The following EFHC1 variants were observed in gnomAD, a reference collection of about 807,000 sequenced individuals.
EFHC1 encodes EF-hand domain-containing protein 1.
EFHC1 carries 53 observed loss-of-function variants against 69.9 expected under a neutral mutation model. The observed-to-expected ratio is 0.76, with a 90% confidence interval of 0.61 to 0.95. The LOEUF is 0.95. Among genes scored for constraint, EFHC1 ranks in the 40% least tolerant of loss-of-function variants. The probability of loss-of-function intolerance (pLI) is 0.00; values close to 1 mark genes in which losing one functional copy is unlikely to be tolerated. For missense variants in EFHC1, 739 were observed against 798.7 expected (o/e 0.93, Z 0.90); for synonymous variants, 256 against 278.4 (o/e 0.92, Z 0.80).
At chr6:52,422,583 A>G (rs1764215356) in intron 1 of EFHC1, among the ~76,000 whole-genome samples, 1 of 152,198 alleles carries the variant, frequency 6.6e-6, no homozygotes, top group Non-Finnish European at 1.5e-5. Flanking sequence ...ATTAGGATGT[A>G]GAAAGTTTTT....
intron 6 of EFHC1, among the ~76,000 whole-genome samples, chr6:52,467,899 A>G (rs1197000630): frequency 6.6e-6 from 1 of 152,226 alleles, no homozygotes; most frequent in Non-Finnish European, 1.5e-5. Context: ...CCTAAATAAC[A>G]TAAATGGAAA....
intron 9 of EFHC1, chr6:52,484,299 GT>G: frequency 6.6e-6 from 1 of 152,080 alleles, no homozygotes; most frequent in South Asian, 2.1e-4. Flanking sequence ...GTTTTTATGT[GT>G]TTATATCTAT....
At chr6:52,451,070 G>T (rs1764907018) in intron 3 of EFHC1, among the ~76,000 whole-genome samples, 1 of 152,198 alleles carries the variant, frequency 6.6e-6, no homozygotes, top group South Asian at 2.1e-4. Flanking sequence ...AAAGTACTGG[G>T]ATTACAGGCA....
chr6:52,495,712 C>T lies in EFHC1; in HGVS notation c.*3371C>T. 1 of 412,240 alleles carries T rather than the reference C, an allele frequency of 2.4e-6. No individual in the cohort carries two copies. Among genetic ancestry groups the T allele is most frequent in the Non-Finnish European group, 4.8e-6 (1 of 206,792 alleles). The allele number at this position is 412,240 out of a possible 1,614,324, so 25.5% of individuals were successfully genotyped here. A position where few individuals can be genotyped will look rare whatever the true frequency, so the allele number is the denominator to read the frequency against. ...CATGCAATCCTCCTGCCTCAGCCTT[C>T]TGAGTAGCTAGGCCTGTAGTCTCAG... On this transcript the variant is annotated 3_prime_UTR_variant, in exon 11 of 11. Coordinates refer to ENST00000371068, the MANE Select transcript of EFHC1 (RefSeq NM_018100.4).
At position 52,434,884 on chromosome 6, in the gene EFHC1, C is replaced by CATATATAT. The variant is rs59802769; in HGVS notation, c.286-3408_286-3401dup. Among the ~76,000 whole-genome samples, 178 of 148,742 alleles carry CATATATAT rather than the reference C, an allele frequency of 1.2e-3. 1 individual carries two copies. Among genetic ancestry groups the CATATATAT allele is most frequent in the African/African-American group, 2.1e-3 (86 of 40,590 alleles). Reference sequence around the variant, plus strand: ...GGTTAGCATATTCTTTACCTGAGACCATATATATATATATATATACATACA... The same window carrying CATATATAT: ...GGTTAGCATATTCTTTACCTGAGACCATATATATATATATATATATATATATACATACA... On this transcript the variant is annotated intron_variant, in intron 2 of 10. Coordinates refer to ENST00000371068, the MANE Select transcript of EFHC1 (RefSeq NM_018100.4).
chr6:52,493,343 ACTCTCTCTTTCT>A lies in EFHC1; in HGVS notation c.*1011_*1022del, dbSNP rs1043374031. ...ATAATTGTGTGAGCAATTTCTTATA[ACTCTCTCTTTCT>A]CTCTCTCTACATATATATATATATA... On this transcript the variant is annotated 3_prime_UTR_variant, in exon 11 of 11. Transcript: ENST00000371068. 2 of 309,558 alleles carry A rather than the reference ACTCTCTCTTTCT, an allele frequency of 6.5e-6. No individual in the cohort carries two copies. Among genetic ancestry groups the A allele is most frequent in the Non-Finnish European group, 1.3e-5 (2 of 158,452 alleles). The allele number at this position is 309,558 out of a possible 1,614,324, so 19.2% of individuals were successfully genotyped here. A position where few individuals can be genotyped will look rare whatever the true frequency, so the allele number is the denominator to read the frequency against.
intron 2 of EFHC1, among the ~76,000 whole-genome samples, chr6:52,435,586 A>G (rs1764515593): frequency 6.6e-6 from 1 of 152,110 alleles, no homozygotes; most frequent in African/African-American, 2.4e-5. Context: ...CTTCCTTACT[A>G]TCAATCCAGT....
At chr6:52,433,662 A>G (rs2113974935) in intron 2 of EFHC1, among the ~76,000 whole-genome samples, 1 of 152,334 alleles carries the variant, frequency 6.6e-6, no homozygotes, top group African/African-American at 2.4e-5. Flanking sequence ...GTCTCCTGCC[A>G]GGAGGTGGTG....
At chr6:52,492,232 C>A (rs780822461) in intron 10 of EFHC1, 38 bp from the exon 11 acceptor site, 23 of 1,585,668 alleles carry the variant, frequency 1.5e-5, no homozygotes, top group Non-Finnish European at 2.0e-5. Context: ...GGAAGCCCTG[C>A]AGATCTGTCT....
intron 3 of EFHC1, among the ~76,000 whole-genome samples, chr6:52,440,534 A>G (rs1764639103): frequency 6.6e-6 from 1 of 152,104 alleles, no homozygotes. Flanking sequence ...CCAGTTTACC[A>G]TTGATGGGCA....
chr6:52,481,846 G>C (rs1457741917), intron 9 of EFHC1: 6 of 152,178 alleles, frequency 3.9e-5, no homozygotes, highest in African/African-American at 1.4e-4. Context: ...TGTAGCTAAA[G>C]AAAAGAATGG....
intron 9 of EFHC1, chr6:52,486,048 G>A (rs1765779616): frequency 2.6e-5 from 4 of 152,084 alleles, no homozygotes; most frequent in Admixed American, 2.6e-4. Context: ...GCTATTCTGC[G>A]TTTAGCTCCC....
chr6:52,444,101 G>A (rs952033890), intron 3 of EFHC1, among the ~76,000 whole-genome samples: 3 of 152,134 alleles, frequency 2.0e-5, no homozygotes, highest in Non-Finnish European at 4.4e-5. Context: ...TCTGTTATTG[G>A]TGTATAAGAA....
In EFHC1 at chr6:52,495,958, C is replaced by T; in HGVS notation, c.*3617C>T. The T allele has an allele frequency of 8.3e-6, 2 of 242,232 alleles. No individual in the cohort carries two copies. Among genetic ancestry groups the T allele is most frequent in the South Asian group, 5.9e-5 (1 of 16,894 alleles). The allele number at this position is 242,232 out of a possible 1,614,324, so 15.0% of individuals were successfully genotyped here. A position where few individuals can be genotyped will look rare whatever the true frequency, so the allele number is the denominator to read the frequency against. On this transcript the variant is annotated 3_prime_UTR_variant, in exon 11 of 11. Transcript: ENST00000371068. ...CTGCTCACCTGTTTATACAAAGCAG[C>T]AAGTATAGGAGCCACAAACGTCAGA...
At position 52,496,127 on chromosome 6, in the gene EFHC1, A is replaced by G. The variant is rs1766052009; in HGVS notation, c.*3786A>G. 1 of 165,404 alleles carries G rather than the reference A, an allele frequency of 6.0e-6. No homozygotes were observed. The highest frequency in any genetic ancestry group is 5.5e-5 in the Admixed American group (1 of 18,092). 10.2% of individuals were successfully genotyped at this position (165,404 alleles called of 1,614,324 possible). The stretch of plus-strand genomic sequence containing the variant: ...GGGAGCTGAGCATTACCCTGTAGCA[A>G]GCAATATTGTAGGAAGCAGAAATGA... On this transcript the variant is annotated 3_prime_UTR_variant, in exon 11 of 11. Transcript: ENST00000371068.
rs112311115 is a variant in EFHC1, at chr6:52,493,237, C to T, written c.*896C>T. 2,015 of 453,298 alleles carry T rather than the reference C, an allele frequency of 4.4e-3. 2 individuals are homozygous for T. The highest frequency in any genetic ancestry group is 9.7e-3 in the Middle Eastern group (14 of 1,444). The allele number at this position is 453,298 out of a possible 1,614,324, so 28.1% of individuals were successfully genotyped here. On this transcript the variant is annotated 3_prime_UTR_variant, in exon 11 of 11. Coordinates refer to ENST00000371068, the MANE Select transcript of EFHC1 (RefSeq NM_018100.4). ...CTCCTAAGTCATAGGCCTTTGGATT[C>T]AGACTGGAATTATACCTTTAGCTCT... is the stretch of plus-strand genomic sequence containing the variant.
intron 3 of EFHC1, among the ~76,000 whole-genome samples, chr6:52,450,674 C>T (rs1168965061): frequency 1.3e-5 from 2 of 152,078 alleles, no homozygotes; most frequent in Non-Finnish European, 2.9e-5. Flanking sequence ...TCTTCTATCC[C>T]TTTATTTTGA....
intron 1 of EFHC1, chr6:52,420,878 A>C: frequency 4.7e-6 from 2 of 429,502 alleles, no homozygotes; most frequent in South Asian, 2.6e-5. Flanking sequence ...CTCTCACATC[A>C]TAACCTGTCT....
intron 5 of EFHC1, among the ~76,000 whole-genome samples, chr6:52,456,285 C>T (rs1016431495): frequency 3.3e-5 from 5 of 152,122 alleles, no homozygotes; most frequent in African/African-American, 4.8e-5. Flanking sequence ...TCTACAGAAC[C>T]GTCTTAGAGT....
Sources: allele counts gnomAD v4.1 joint callset (sites outside exome capture counted in the v4.1 genomes callset), GRCh38; gene constraint gnomAD v4.1.1; transcripts MANE v1.5; gene names NCBI Gene and HGNC (gene_info 2026-07-23, HGNC 2026-07-21).